The following ROBO1 variants were observed in gnomAD, a reference collection of about 807,000 sequenced individuals.
The protein encoded by ROBO1 is roundabout homolog 1.
A neutral mutation model predicts 195.9 loss-of-function variants in ROBO1; 149 were observed. The ratio of observed to expected loss-of-function variants is 0.76; its 90% CI spans 0.67 to 0.87. The LOEUF (loss-of-function observed/expected upper bound fraction) is 0.87. Among genes scored for constraint, ROBO1 ranks in the 40% least tolerant of loss-of-function variants. The probability of loss-of-function intolerance (pLI) is 0.00; values close to 1 mark genes in which losing one functional copy is unlikely to be tolerated. For missense variants in ROBO1, 1,933 were observed against 2,068.3 expected, an observed-to-expected ratio of 0.93 and a Z score of 1.27; for synonymous variants, 816 against 733.2, an observed-to-expected ratio of 1.11 and a Z score of -1.82.
At chr3:79,660,318 G>A (rs1268157368) in intron 1 of ROBO1, among the ~76,000 whole-genome samples, 3 of 151,762 alleles carry the variant, frequency 2.0e-5, no homozygotes, top group Non-Finnish European at 2.9e-5. Flanking sequence ...AGTGGGTGAG[G>A]TGCCATATTC....
At chr3:79,226,593 T>A (rs1261068146) in intron 2 of ROBO1, among the ~76,000 whole-genome samples, 1 of 151,204 alleles carries the variant, frequency 6.6e-6, no homozygotes, top group Non-Finnish European at 1.5e-5. Flanking sequence ...CAGTCTGGAG[T>A]GCAGTGGCAT....
chr3:78,781,397 C>A (rs1185217653), intron 4 of ROBO1, among the ~76,000 whole-genome samples: 1 of 152,068 alleles, frequency 6.6e-6, no homozygotes, highest in Non-Finnish European at 1.5e-5. Context: ...AACTCTAACC[C>A]CAAGTGGGTA....
chr3:79,456,935 T>C (rs2039636542), intron 2 of ROBO1, among the ~76,000 whole-genome samples: 3 of 152,032 alleles, frequency 2.0e-5, no homozygotes, highest in Admixed American at 2.0e-4. Flanking sequence ...GCATCTTTCT[T>C]TCAAGGTAAA....
At chr3:79,492,447 G>A (rs796170089) in intron 2 of ROBO1, among the ~76,000 whole-genome samples, 268 of 110,320 alleles carry the variant, frequency 2.4e-3, no homozygotes, top group African/African-American at 6.4e-3. Context: ...AAAAAAAAAA[G>A]AGACTGTAGA....
chr3:79,408,149 C>T (rs2037622789), intron 2 of ROBO1, among the ~76,000 whole-genome samples: 1 of 151,654 alleles, frequency 6.6e-6, no homozygotes, highest in South Asian at 2.1e-4. Context: ...ACCCACGAGG[C>T]CGAGGTTGTG....
chr3:79,486,927 C>A (rs1939188983), intron 2 of ROBO1, among the ~76,000 whole-genome samples: 1 of 152,168 alleles, frequency 6.6e-6, no homozygotes, highest in African/African-American at 2.4e-5. Context: ...AGACCTTTAT[C>A]ATCCAGGAGA....
chr3:79,677,657 A>G (rs1946825445), intron 1 of ROBO1, among the ~76,000 whole-genome samples: 1 of 152,090 alleles, frequency 6.6e-6, no homozygotes, highest in Non-Finnish European at 1.5e-5. Flanking sequence ...CCATATCAGC[A>G]TGCAACTGCA....
chr3:78,660,035 C>T, intron 16 of ROBO1: 1 of 295,222 alleles, frequency 3.4e-6, no homozygotes, highest in Non-Finnish European at 6.2e-6. Context: ...ATTCTCCTGC[C>T]TCAGCCCCCT....
chr3:79,390,867 T>A (rs529066593), intron 2 of ROBO1, among the ~76,000 whole-genome samples: 2 of 152,038 alleles, frequency 1.3e-5, no homozygotes, highest in Non-Finnish European at 2.9e-5. Flanking sequence ...AGGGAATGAA[T>A]GAGAGCACGG....
chr3:78,960,251 T>C (rs2041266825), intron 3 of ROBO1, among the ~76,000 whole-genome samples: 1 of 151,838 alleles, frequency 6.6e-6, no homozygotes, highest in African/African-American at 2.4e-5. Context: ...CCCTTAAAAA[T>C]GAATATCTGC....
At chr3:79,626,618 C>G (rs1044427286) in intron 1 of ROBO1, among the ~76,000 whole-genome samples, 2 of 152,134 alleles carry the variant, frequency 1.3e-5, no homozygotes, top group Non-Finnish European at 2.9e-5. Flanking sequence ...CTCATCACTC[C>G]TATTCAACAT....
intron 3 of ROBO1, among the ~76,000 whole-genome samples, chr3:79,110,097 G>T (rs2079858713): frequency 6.6e-6 from 1 of 151,942 alleles, no homozygotes; most frequent in Non-Finnish European, 1.5e-5. Context: ...TTCTCACTCG[G>T]TCCCTTCAGG....
intron 3 of ROBO1, among the ~76,000 whole-genome samples, chr3:78,948,334 T>A (rs1324214340): frequency 6.6e-6 from 1 of 152,168 alleles, no homozygotes; most frequent in African/African-American, 2.4e-5. Context: ...GTGGGCTTCA[T>A]CCCTGGGATG....
intron 1 of ROBO1, among the ~76,000 whole-genome samples, chr3:79,606,694 G>A (rs1029826130): frequency 2.6e-5 from 4 of 151,756 alleles, no homozygotes; most frequent in Admixed American, 1.3e-4. Flanking sequence ...ATAGACCAGT[G>A]GTCACCCTTG....
chr3:79,136,886 A>G (rs1028913956), intron 2 of ROBO1, among the ~76,000 whole-genome samples: 4 of 152,090 alleles, frequency 2.6e-5, no homozygotes, highest in South Asian at 2.1e-4. Context: ...AATATTTAGT[A>G]AGTGATGCAA....
intron 4 of ROBO1, among the ~76,000 whole-genome samples, chr3:78,785,734 C>A (rs186198350): frequency 2.0e-5 from 3 of 152,138 alleles, no homozygotes; most frequent in South Asian, 2.1e-4. Flanking sequence ...GTCCACCGTA[C>A]GTTTTCATTG....
chr3:78,682,765 A>C (rs113182828), intron 10 of ROBO1, among the ~76,000 whole-genome samples: 37,463 of 147,668 alleles, frequency 0.25, 4,917 homozygotes, highest in African/African-American at 0.32. Context: ...TATAGGAATA[A>C]AATTATAATA....
At chr3:78,614,474 G>GT (rs1236445295) in intron 28 of ROBO1, among the ~76,000 whole-genome samples, 174 bp downstream of exon 28, 3 of 152,120 alleles carry the variant, frequency 2.0e-5, no homozygotes, top group Non-Finnish European at 4.4e-5. Flanking sequence ...ACTGCAAGGA[G>GT]TAGAGATGCT....
Position 79,763,534 on chromosome 3 carries a change from T to C in ROBO1, c.-51+4218A>G, listed in dbSNP as rs150070071. On this transcript the variant is annotated intron_variant, in intron 1 of 30. Transcript: ENST00000464233. Reference sequence around the variant, plus strand: ...ATAGGGTTTGGCCAAATGAAGAAGATAATTTTGCAGATTAGAGAAGACACG... The same window carrying C: ...ATAGGGTTTGGCCAAATGAAGAAGACAATTTTGCAGATTAGAGAAGACACG... Among the ~76,000 whole-genome samples the C allele has an allele frequency of 2.8e-4, 42 of 151,960 alleles. No homozygotes were observed. In the East Asian group the frequency reaches 5.2e-3, roughly 19 times the overall value.
Sources: allele counts gnomAD v4.1 joint callset (sites outside exome capture counted in the v4.1 genomes callset), GRCh38; gene constraint gnomAD v4.1.1; transcripts MANE v1.5; gene names NCBI Gene and HGNC (gene_info 2026-07-23, HGNC 2026-07-21).